RABGAP1L: variants seen among roughly 807,000 people sequenced by gnomAD.
RABGAP1L encodes rab GTPase-activating protein 1-like.
A neutral mutation model predicts 137.7 loss-of-function variants in RABGAP1L; 63 were observed. The observed-to-expected ratio is 0.46, with a 90% confidence interval of 0.37 to 0.56. RABGAP1L has a LOEUF of 0.56. RABGAP1L is among the 20% of genes least tolerant of loss of function. The pLI, the probability that RABGAP1L is intolerant of heterozygous loss-of-function variation, is 0.00. For synonymous variants in RABGAP1L, 431 were observed against 433.7 expected (o/e 0.99, Z 0.08); for missense variants, 1,095 against 1,244.0 (o/e 0.88, Z 1.80).
intron 17 of RABGAP1L, among the ~76,000 whole-genome samples, chr1:174,726,398 AC>A (rs1419396262): frequency 6.6e-6 from 1 of 152,010 alleles, no homozygotes; most frequent in Admixed American, 6.6e-5. Context: ...GGTGTATGCC[AC>A]CATGCCCAGC....
At chr1:174,632,422 G>C (rs932496131) in intron 13 of RABGAP1L, among the ~76,000 whole-genome samples, 1 of 148,510 alleles carries the variant, frequency 6.7e-6, no homozygotes. Context: ...TGTATTTCCT[G>C]AATCTGAATG....
At chr1:174,557,974 T>G (rs1572319423) in intron 13 of RABGAP1L, among the ~76,000 whole-genome samples, 1 of 152,194 alleles carries the variant, frequency 6.6e-6, no homozygotes, top group African/African-American at 2.4e-5. Flanking sequence ...GCACTCCAGC[T>G]TAATCCTTGT....
At chr1:174,410,673 T>C (rs1020472750) in intron 13 of RABGAP1L, among the ~76,000 whole-genome samples, 2 of 152,212 alleles carry the variant, frequency 1.3e-5, no homozygotes, top group South Asian at 4.1e-4. Flanking sequence ...TCAGGTAATG[T>C]GATGCCTCCA....
intron 10 of RABGAP1L, among the ~76,000 whole-genome samples, chr1:174,286,657 CT>C (rs957456254): frequency 1.9e-4 from 29 of 151,584 alleles, no homozygotes; most frequent in African/African-American, 6.8e-4. Context: ...TGTTTGAGGT[CT>C]TTTTTTTCCC....
At chr1:174,210,129 A>G (rs1049321428) in intron 1 of RABGAP1L, among the ~76,000 whole-genome samples, 2 of 152,146 alleles carry the variant, frequency 1.3e-5, no homozygotes, top group African/African-American at 4.8e-5. Context: ...TCCCAAGAAG[A>G]TGGGTACAAA....
chr1:174,950,699 A>C (rs1189431748), intron 19 of RABGAP1L, among the ~76,000 whole-genome samples: 1 of 152,154 alleles, frequency 6.6e-6, no homozygotes, highest in Non-Finnish European at 1.5e-5. Flanking sequence ...CTGTCCATTG[A>C]TTAATATATT....
At chr1:174,408,400 TCTTTTCTGTGGCTGC>T in intron 13 of RABGAP1L, among the ~76,000 whole-genome samples, 2 of 152,220 alleles carry the variant, frequency 1.3e-5, no homozygotes, top group Non-Finnish European at 2.9e-5. Flanking sequence ...ATGATTTCAT[TCTTTTCTGTGGCTGC>T]ATAGTATTGT....
intron 13 of RABGAP1L, among the ~76,000 whole-genome samples, chr1:174,544,525 T>A (rs1665818876): frequency 6.6e-6 from 1 of 152,180 alleles, no homozygotes; most frequent in African/African-American, 2.4e-5. Flanking sequence ...TTTTAGCTTC[T>A]TTGCAATGGG....
At chr1:174,929,887 G>A (rs1340530291) in intron 19 of RABGAP1L, among the ~76,000 whole-genome samples, 2 of 122,586 alleles carry the variant, frequency 1.6e-5, no homozygotes, top group African/African-American at 3.1e-5. Flanking sequence ...GTCTTGCTCT[G>A]TCTCCCAGGC....
chr1:174,741,994 G>A (rs1308560921), intron 17 of RABGAP1L, among the ~76,000 whole-genome samples: 26 of 146,274 alleles, frequency 1.8e-4, no homozygotes, highest in African/African-American at 5.8e-4. Flanking sequence ...AGCCATGATA[G>A]CACTACTATG....
At position 174,259,335 on chromosome 1, in the gene RABGAP1L, A is replaced by C. The variant is rs1460436702; in HGVS notation, c.986+6745A>C. On this transcript the variant is annotated intron_variant, in intron 7 of 25. Coordinates refer to ENST00000681986, the MANE Select transcript of RABGAP1L (RefSeq NM_001366446.1). The stretch of plus-strand genomic sequence containing the variant: ...ACTTAGCACTTTCTCAGTGCCAGGC[A>C]CTGTTCTAGGTGGTATTTCTGAGGT... 1.1e-4 allele frequency among the ~76,000 whole-genome samples: 17 copies of C among 151,778 alleles called. 1 individual carries two copies. Among genetic ancestry groups the C allele is most frequent in the Admixed American group, 1.1e-3 (17 of 15,240 alleles).
intron 11 of RABGAP1L, among the ~76,000 whole-genome samples, chr1:174,349,048 G>GA (rs1404711780): frequency 1.4e-5 from 2 of 146,020 alleles, no homozygotes; most frequent in African/African-American, 4.9e-5. Flanking sequence ...GCCGGGCGGG[G>GA]GGGGGGCTGA....
chr1:174,616,439 G>C (rs541436072), intron 13 of RABGAP1L, among the ~76,000 whole-genome samples: 1 of 152,260 alleles, frequency 6.6e-6, no homozygotes, highest in South Asian at 2.1e-4. Context: ...CTCTAATTCT[G>C]ATTTATTCAG....
rs1350277390 is a variant in RABGAP1L at position 174,629,876 on chromosome 1, C to G, written c.1711-7499C>G. ...TGATTTTATTTTCATTTGATTTTGT[C>G]CTTTATTTCTTAAATATGGAAGGTC... is the stretch of plus-strand genomic sequence containing the variant. On this transcript the variant is annotated intron_variant, in intron 13 of 25. Transcript: ENST00000681986. Among the ~76,000 whole-genome samples, 14 of 152,118 alleles carry G rather than the reference C, an allele frequency of 9.2e-5. No homozygotes were observed. In the East Asian group the frequency reaches 2.7e-3, roughly 29 times the overall value.
intron 18 of RABGAP1L, among the ~76,000 whole-genome samples, chr1:174,790,665 A>G (rs916556698): frequency 5.9e-5 from 9 of 151,836 alleles, no homozygotes; most frequent in Admixed American, 2.6e-4. Flanking sequence ...GCAAAATGAC[A>G]TTGGAATTGA....
chr1:174,768,686 CA>C (rs1264399746), intron 18 of RABGAP1L, among the ~76,000 whole-genome samples: 1 of 152,238 alleles, frequency 6.6e-6, no homozygotes, highest in East Asian at 1.9e-4. Flanking sequence ...AAGGGTCAGA[CA>C]GTATACTTGA....
At chr1:174,897,890 A>T (rs1259333665) in intron 19 of RABGAP1L, 1 of 150,698 alleles carries the variant, frequency 6.6e-6, no homozygotes, top group African/African-American at 2.4e-5. Context: ...CTGAGGCAGG[A>T]GAATCTCGAA....
chr1:174,636,823 T>TA (rs1387920657), intron 13 of RABGAP1L, among the ~76,000 whole-genome samples: 1 of 152,316 alleles, frequency 6.6e-6, no homozygotes, highest in East Asian at 1.9e-4. Flanking sequence ...CCTTAGCAAT[T>TA]AAACCTCAAG....
Position 174,634,912 on chromosome 1 carries a change from T to C in RABGAP1L, c.1711-2463T>C, listed in dbSNP as rs1406437915. Among the ~76,000 whole-genome samples the C allele has an allele frequency of 5.8e-5, 8 of 137,816 alleles. No homozygotes were observed. The South Asian group carries it at 7.4e-4, about 13-fold the overall frequency. The allele number at this position is 137,816 out of a possible 152,430, so 90.4% of individuals were successfully genotyped here. A position where few individuals can be genotyped will look rare whatever the true frequency, so the allele number is the denominator to read the frequency against. ...GTGGGGGGAGGGGGGAGGGATAGCA[T>C]TGGGAGATATACCTAATGCTAGATG... On this transcript the variant is annotated intron_variant, in intron 13 of 25. Transcript: ENST00000681986.
Sources: allele counts gnomAD v4.1 joint callset (sites outside exome capture counted in the v4.1 genomes callset), GRCh38; gene constraint gnomAD v4.1.1; transcripts MANE v1.5; gene names NCBI Gene and HGNC (gene_info 2026-07-23, HGNC 2026-07-21).